The following CDH19 variants were observed in gnomAD, a reference collection of about 807,000 sequenced individuals.
The protein encoded by CDH19 is cadherin 19, also known as cadherin-19.
A neutral mutation model predicts 64.2 loss-of-function variants in CDH19; 67 were observed. That is an observed-to-expected ratio of 1.04 (90% confidence interval 0.86 to 1.28). CDH19 has a LOEUF of 1.28. CDH19 is among the 50% of genes most tolerant of loss of function. CDH19 has a pLI of 0.00. For synonymous variants in CDH19, 346 were observed against 319.3 expected, an observed-to-expected ratio of 1.08 and a Z score of -0.89; for missense variants, 1,030 against 929.0, an observed-to-expected ratio of 1.11 and a Z score of -1.41.
chr18:66,596,868 G>A (rs1988904261), intron 1 of CDH19, among the ~76,000 whole-genome samples: 1 of 150,946 alleles, frequency 6.6e-6, no homozygotes. Context: ...GGATCACGAG[G>A]TCAGGAGATC....
At chr18:66,514,146 A>G (rs1985625811) in intron 9 of CDH19, among the ~76,000 whole-genome samples, 1 of 151,488 alleles carries the variant, frequency 6.6e-6, no homozygotes, top group Non-Finnish European at 1.5e-5. Context: ...AGGTAAGTAA[A>G]TTGGCTGGGC....
chr18:66,534,200 T>TA (rs1986567784), intron 8 of CDH19, among the ~76,000 whole-genome samples: 1 of 152,066 alleles, frequency 6.6e-6, no homozygotes, highest in Non-Finnish European at 1.5e-5. Flanking sequence ...TTTCCTCTGT[T>TA]ACAGCGGGCA....
chr18:66,560,628 T>C (rs1987685470), intron 3 of CDH19, among the ~76,000 whole-genome samples: 1 of 152,038 alleles, frequency 6.6e-6, no homozygotes, highest in African/African-American at 2.4e-5. Flanking sequence ...CTGGGGAATT[T>C]GATATTTTTC....
At chr18:66,591,244 A>T (rs1230853696) in intron 1 of CDH19, among the ~76,000 whole-genome samples, 1 of 151,952 alleles carries the variant, frequency 6.6e-6, no homozygotes, top group Non-Finnish European at 1.5e-5. Context: ...TCCTCATGTC[A>T]TATAAACATG....
At chr18:66,538,859 C>T (rs1432575103) in intron 7 of CDH19, among the ~76,000 whole-genome samples, 3 of 152,072 alleles carry the variant, frequency 2.0e-5, no homozygotes, top group South Asian at 4.2e-4. Flanking sequence ...CATGGCAGTC[C>T]TCTCCCAGTG....
Position 66,502,296 on chromosome 18 carries a change from T to C in CDH19, c.*2516A>G, listed in dbSNP as rs998292570. The C allele has an allele frequency of 2.6e-5, 4 of 152,036 alleles. No individual in the cohort carries two copies. Among genetic ancestry groups the C allele is most frequent in the African/African-American group, 9.7e-5 (4 of 41,446 alleles). The allele number at this position is 152,036 out of a possible 1,614,324, so 9.4% of individuals were successfully genotyped here. On this transcript the variant is annotated 3_prime_UTR_variant, in exon 12 of 12. Transcript: ENST00000262150. ...CAATCGTGTCTGTGCTTTCCCTGTG[T>C]ATCCTATGATTGACAATCTTATAAT...
intron 3 of CDH19, among the ~76,000 whole-genome samples, chr18:66,562,314 G>T (rs1987752798): frequency 6.6e-6 from 1 of 151,414 alleles, no homozygotes; most frequent in Admixed American, 6.6e-5. Flanking sequence ...GGCAGTGATG[G>T]GAGACAGTGA....
At chr18:66,581,742 G>A (rs1988426992) in intron 1 of CDH19, among the ~76,000 whole-genome samples, 1 of 152,044 alleles carries the variant, frequency 6.6e-6, no homozygotes, top group Admixed American at 6.6e-5. Flanking sequence ...GAGACTTTGG[G>A]ACTCGGATTG....
At chr18:66,519,159 T>C (rs904340880) in intron 9 of CDH19, among the ~76,000 whole-genome samples, 1 of 152,166 alleles carries the variant, frequency 6.6e-6, no homozygotes, top group Non-Finnish European at 1.5e-5. Context: ...CAACAGACAT[T>C]GACAATGTTG....
chr18:66,586,228 A>G (rs1017246908), intron 1 of CDH19, among the ~76,000 whole-genome samples: 1 of 152,232 alleles, frequency 6.6e-6, no homozygotes, highest in African/African-American at 2.4e-5. Context: ...GGCCAAAATG[A>G]TATATCATAG....
chr18:66,536,872 G>C (rs1986694933), intron 7 of CDH19, among the ~76,000 whole-genome samples: 1 of 151,502 alleles, frequency 6.6e-6, no homozygotes, highest in Non-Finnish European at 1.5e-5. Flanking sequence ...TTTTAAACTA[G>C]GGAGACAAAC....
chr18:66,556,282 G>A (rs945834144), intron 3 of CDH19, among the ~76,000 whole-genome samples: 2 of 151,622 alleles, frequency 1.3e-5, no homozygotes, highest in Non-Finnish European at 3.0e-5. Flanking sequence ...CATGGAAAGA[G>A]CAAGTAAAAT....
intron 9 of CDH19, among the ~76,000 whole-genome samples, chr18:66,518,922 A>T (rs937285587): frequency 3.9e-5 from 6 of 152,128 alleles, no homozygotes; most frequent in African/African-American, 1.2e-4. Context: ...GAAAATGTAA[A>T]CCCTGTGCAT....
chr18:66,599,969 G>A (rs1050103914), intron 1 of CDH19, among the ~76,000 whole-genome samples: 1 of 151,910 alleles, frequency 6.6e-6, no homozygotes, highest in Non-Finnish European at 1.5e-5. Flanking sequence ...AAACAGTCAT[G>A]AACGTTTATG....
At chr18:66,546,844 G>GAGA (rs143575391) in intron 5 of CDH19, among the ~76,000 whole-genome samples, 2,665 of 152,256 alleles carry the variant, frequency 0.018, 67 homozygotes, top group African/African-American at 0.059. Context: ...TGGGAAAAGA[G>GAGA]AGGATAATTG....
At chr18:66,516,438 C>T (rs1271271645) in intron 9 of CDH19, among the ~76,000 whole-genome samples, 36 of 152,018 alleles carry the variant, frequency 2.4e-4, no homozygotes, top group Admixed American at 2.3e-3. Flanking sequence ...ACAGAAATTA[C>T]TGAGCAGTGT....
intron 7 of CDH19, among the ~76,000 whole-genome samples, chr18:66,538,894 C>T (rs1216170219): frequency 6.6e-6 from 1 of 151,970 alleles, no homozygotes; most frequent in African/African-American, 2.4e-5. Flanking sequence ...AGGACACCAG[C>T]CATTTTGGAT....
chr18:66,591,202 G>C (rs1988733602), intron 1 of CDH19, among the ~76,000 whole-genome samples: 1 of 151,812 alleles, frequency 6.6e-6, no homozygotes, highest in African/African-American at 2.4e-5. Flanking sequence ...AACAGAAACT[G>C]TAGTTAGAAT....
chr18:66,529,237 T>C (rs1986339794), intron 9 of CDH19, among the ~76,000 whole-genome samples: 1 of 151,736 alleles, frequency 6.6e-6, no homozygotes, highest in South Asian at 2.1e-4. Flanking sequence ...ATACCTGGTA[T>C]AGCAATTAAA....
Sources: allele counts gnomAD v4.1 joint callset (sites outside exome capture counted in the v4.1 genomes callset), GRCh38; gene constraint gnomAD v4.1.1; transcripts MANE v1.5; gene names NCBI Gene and HGNC (gene_info 2026-07-23, HGNC 2026-07-21).